The following CC2D2B variants were observed in gnomAD, a reference collection of about 807,000 sequenced individuals.
The protein encoded by CC2D2B is protein CC2D2B.
A neutral mutation model predicts 161.2 loss-of-function variants in CC2D2B; 128 were observed. That is an observed-to-expected ratio of 0.79 (90% CI 0.69 to 0.92). The LOEUF (loss-of-function observed/expected upper bound fraction) is 0.92, where lower values mean the gene tolerates loss of function less well. Ranked by LOEUF, CC2D2B falls within the 40% of genes least tolerant of loss-of-function variation. The probability of loss-of-function intolerance (pLI) is 0.00; values close to 1 mark genes in which losing one functional copy is unlikely to be tolerated. For missense variants in CC2D2B, 1,173 were observed against 1,375.1 expected (o/e 0.85, Z 2.32); for synonymous variants, 391 against 449.8 (o/e 0.87, Z 1.65).
At chr10:95,942,363 T>G (rs1415873731) in intron 9 of CC2D2B, among the ~76,000 whole-genome samples, 1 of 152,188 alleles carries the variant, frequency 6.6e-6, no homozygotes, top group Non-Finnish European at 1.5e-5. Context: ...CTCTAATTTG[T>G]CTTCTACTTT....
At chr10:95,961,741 G>A (rs2076770085) in intron 11 of CC2D2B, 88 bp from the exon 12 acceptor site, 3 of 633,236 alleles carry the variant, frequency 4.7e-6, no homozygotes, top group Non-Finnish European at 6.8e-6. Context: ...GTTCAGAAGA[G>A]TTATTGCAAT....
chr10:95,931,877 G>A (rs924102198), intron 6 of CC2D2B, among the ~76,000 whole-genome samples: 6 of 152,334 alleles, frequency 3.9e-5, no homozygotes, highest in South Asian at 2.1e-4. Context: ...GGAGAGTTCC[G>A]TAGATGTCTG....
rs188917350 is a variant in CC2D2B, at chr10:95,916,753, T to C, written c.37-5263T>C. Among the ~76,000 whole-genome samples the C allele has an allele frequency of 6.2e-4, 95 of 152,334 alleles. 2 individuals carry two copies. The highest frequency in any genetic ancestry group is 6.1e-3 in the Admixed American group (93 of 15,298). On this transcript the variant is annotated intron_variant, in intron 2 of 34. Coordinates refer to ENST00000646931, the MANE Select transcript of CC2D2B (RefSeq NM_001349008.3). ...TTTATTCCATTGTAATCAGAGAAGA[T>C]ACTTGATATGATTTCAAAGTTTTTG... is the stretch of plus-strand genomic sequence containing the variant.
rs2078392327 is a variant in CC2D2B at position 95,999,800 on chromosome 10, G to A, written c.2849+3548G>A. On this transcript the variant is annotated intron_variant, in intron 24 of 34. Coordinates refer to ENST00000646931, the MANE Select transcript of CC2D2B (RefSeq NM_001349008.3). Reference sequence around the variant, plus strand: ...TATGCCATGACTTTATAGGGAGTAGGTTCCAGCAGCTCAGGCTCCTTCCCA... The same window carrying A: ...TATGCCATGACTTTATAGGGAGTAGATTCCAGCAGCTCAGGCTCCTTCCCA... 4 of 362,726 alleles carry A rather than the reference G, an allele frequency of 1.1e-5. No individual in the cohort carries two copies. The South Asian group carries it at 1.2e-4, about 11-fold the overall frequency. 22.5% of individuals were successfully genotyped at this position (362,726 alleles called of 1,614,324 possible). A position where few individuals can be genotyped will look rare whatever the true frequency, so the allele number is the denominator to read the frequency against.
At chr10:95,971,186 C>T (rs540333676) in intron 15 of CC2D2B, among the ~76,000 whole-genome samples, 142 of 152,120 alleles carry the variant, frequency 9.3e-4, no homozygotes, top group African/African-American at 3.3e-3. Context: ...GTCAGGAGTT[C>T]GAGTTCAGCC....
In CC2D2B at chr10:95,981,524, G is replaced by A. The variant is rs1369801460; in HGVS notation, c.1944-451G>A. On this transcript the variant is annotated intron_variant, in intron 17 of 34. Transcript: ENST00000646931. ...ACTGTAAATATGTAGCCTAAATGTGGTTTTTATTTTCTGTGCTTTCTTAAT... is the reference window on the plus strand; with the variant it reads ...ACTGTAAATATGTAGCCTAAATGTGATTTTTATTTTCTGTGCTTTCTTAAT... 4.0e-5 allele frequency among the ~76,000 whole-genome samples: 6 copies of A among 151,774 alleles called. No homozygotes were observed. The East Asian group carries it at 1.2e-3, about 29-fold the overall frequency.
intron 30 of CC2D2B, 129 bp from the exon 31 acceptor site, chr10:96,019,074 C>T (rs910667315): frequency 7.2e-5 from 50 of 691,208 alleles, no homozygotes; most frequent in Admixed American, 1.4e-4. Context: ...CCCAAAGAGC[C>T]GGGATTACAG....
At chr10:95,971,513 G>A (rs1179891135) in intron 15 of CC2D2B, among the ~76,000 whole-genome samples, 3 of 152,034 alleles carry the variant, frequency 2.0e-5, no homozygotes, top group Admixed American at 6.6e-5. Flanking sequence ...ACCTCTATGG[G>A]ACTGTCTACT....
At chr10:95,920,293 G>A in intron 2 of CC2D2B, 1 of 155,390 alleles carries the variant, frequency 6.4e-6, no homozygotes, top group South Asian at 2.0e-4. Flanking sequence ...AAGGCCTCAG[G>A]AAACTTAGAA....
chr10:95,993,946 G>GTATATATATA (rs1424075597), intron 22 of CC2D2B, among the ~76,000 whole-genome samples: 2 of 28,990 alleles, frequency 6.9e-5, no homozygotes, highest in Non-Finnish European at 1.7e-4. Context: ...GTGTGTGTAT[G>GTATATATATA]TATGTGTATA....
At chr10:95,983,222 T>C (rs141347811) in intron 18 of CC2D2B, among the ~76,000 whole-genome samples, 1 of 152,238 alleles carries the variant, frequency 6.6e-6, no homozygotes, top group South Asian at 2.1e-4. Flanking sequence ...TAGATTAGAT[T>C]GCTGCAAGTA....
intron 17 of CC2D2B, among the ~76,000 whole-genome samples, chr10:95,974,911 A>G (rs1227286924): frequency 6.6e-6 from 1 of 152,224 alleles, no homozygotes; most frequent in Non-Finnish European, 1.5e-5. Context: ...TAACATTATA[A>G]TGGTGGATAC....
chr10:95,995,334 A>C lies in CC2D2B; in HGVS notation c.2708A>C (p.Lys903Thr). 2.6e-6 allele frequency: 4 copies of C among 1,530,152 alleles called. No individual in the cohort carries two copies. Among genetic ancestry groups the C allele is most frequent in the Non-Finnish European group, 2.6e-6 (3 of 1,142,928 alleles). The allele number at this position is 1,530,152 out of a possible 1,614,324, so 94.8% of individuals were successfully genotyped here. The change falls in exon 23 of 35, where the codon AAA becomes ACA. Residue 903 changes from lysine (K) to threonine (T), a missense_variant. Around this residue, in one of 3 missense-constraint regions of CC2D2B, gnomAD observed 598 missense variants for 693.2 expected, o/e 0.86. Coordinates refer to ENST00000646931, the MANE Select transcript of CC2D2B (RefSeq NM_001349008.3). Reference protein sequence around the residue: ...ISCLRHRETIKSVASDETLHE... With the variant: ...ISCLRHRETITSVASDETLHE... Reference sequence around the variant, plus strand: ...TGCCTCAGACATAGAGAAACAATCAAATCAGTAGCCTCAGATGAGACCTTA... The same window carrying C: ...TGCCTCAGACATAGAGAAACAATCACATCAGTAGCCTCAGATGAGACCTTA...
chr10:96,027,627 A>G (rs1316814930), intron 34 of CC2D2B, among the ~76,000 whole-genome samples: 1 of 152,208 alleles, frequency 6.6e-6, no homozygotes, highest in Non-Finnish European at 1.5e-5. Context: ...CTTCACAGAA[A>G]TAGAAAAAAC....
chr10:96,009,794 G>C (rs557124567), intron 25 of CC2D2B, 31 bp from the exon 26 acceptor site: 2 of 1,008,464 alleles, frequency 2.0e-6, no homozygotes, highest in East Asian at 5.3e-5. Context: ...ATGATATTAA[G>C]TAAGTAATAA....
intron 28 of CC2D2B, 103 bp from the exon 29 acceptor site, chr10:96,013,685 T>C: frequency 1.7e-6 from 1 of 605,268 alleles, no homozygotes; most frequent in Admixed American, 3.3e-5. Flanking sequence ...AGTGTCTACT[T>C]TTATAGGCTT....
At chr10:95,992,445 T>A (rs1009333724) in intron 21 of CC2D2B, 82 bp from the exon 22 acceptor site, 2 of 1,038,814 alleles carry the variant, frequency 1.9e-6, no homozygotes, top group African/African-American at 3.3e-5. Context: ...AATAATGGTC[T>A]CATTTCAATT....
rs377505265 is a variant in CC2D2B, at chr10:96,024,855, T to A, written c.3891T>A (p.Pro1297=). Residue 1297 remains proline, a splice_region_variant and synonymous_variant, in exon 33 of 35, where the codon CCT becomes CCA. Transcript: ENST00000646931. ...VQGTKIQSIQ[P]EEIIYFETDK... is the part of the protein sequence containing the mutation. ...CTAACTTTGGTTGTCTATTTCAGCCTGAAGAAATAATTTATTTTGAAACTG... is the reference window on the plus strand; with the variant it reads ...CTAACTTTGGTTGTCTATTTCAGCCAGAAGAAATAATTTATTTTGAAACTG... 4 of 1,502,158 alleles carry A rather than the reference T, an allele frequency of 2.7e-6. No individual in the cohort carries two copies. The highest frequency in any genetic ancestry group is 3.6e-6 in the Non-Finnish European group (4 of 1,104,518). 93.1% of individuals were successfully genotyped at this position (1,502,158 alleles called of 1,614,324 possible).
intron 9 of CC2D2B, among the ~76,000 whole-genome samples, chr10:95,940,718 A>G (rs1479052604): frequency 6.6e-6 from 1 of 152,192 alleles, no homozygotes; most frequent in Non-Finnish European, 1.5e-5. Context: ...CTATGACTTT[A>G]AAAATAAAGG....
Sources: allele counts gnomAD v4.1 joint callset (sites outside exome capture counted in the v4.1 genomes callset), GRCh38; gene constraint gnomAD v4.1.1; regional missense constraint gnomAD v4.1.1; transcripts MANE v1.5; gene names NCBI Gene and HGNC (gene_info 2026-07-23, HGNC 2026-07-21).